ACSL1: variants seen among roughly 807,000 people sequenced by gnomAD.
ACSL1 encodes the protein long-chain-fatty-acid--CoA ligase 1.
A neutral mutation model predicts 98.4 loss-of-function variants in ACSL1; 41 were observed. The observed-to-expected ratio is 0.42, with a 90% CI of 0.32 to 0.54. The LOEUF is 0.54. Ranked by LOEUF, ACSL1 falls within the 20% of genes least tolerant of loss-of-function variation. The probability of loss-of-function intolerance (pLI) is 0.13; values close to 1 mark genes in which losing one functional copy is unlikely to be tolerated. For missense variants in ACSL1, 734 were observed against 883.1 expected, an observed-to-expected ratio of 0.83 and a Z score of 2.14; for synonymous variants, 316 against 322.7, an observed-to-expected ratio of 0.98 and a Z score of 0.22.
rs1322713149 is a variant in ACSL1, at chr4:184,756,468, A to G, written c.*657T>C. On this transcript the variant is annotated 3_prime_UTR_variant, in exon 21 of 21. Coordinates refer to ENST00000281455, the MANE Select transcript of ACSL1 (RefSeq NM_001995.5). ...AGCACCCATTTGCCAGAGGCTCCTT[A>G]TCTGCATGGTTCTGAGTTGGATCTG... The G allele has an allele frequency of 6.6e-6, 1 of 152,668 alleles. No homozygotes were observed. Among genetic ancestry groups the G allele is most frequent in the Non-Finnish European group, 1.5e-5 (1 of 68,052 alleles). 9.5% of individuals were successfully genotyped at this position (152,668 alleles called of 1,614,324 possible).
chr4:184,761,881 C>G (rs1280136797), intron 17 of ACSL1, among the ~76,000 whole-genome samples: 1 of 152,168 alleles, frequency 6.6e-6, no homozygotes, highest in Non-Finnish European at 1.5e-5. Flanking sequence ...AATCCCAGCA[C>G]TTTGGGAGGC....
chr4:184,775,856 T>C (rs1765210161), intron 7 of ACSL1, among the ~76,000 whole-genome samples: 1 of 152,242 alleles, frequency 6.6e-6, no homozygotes, highest in South Asian at 2.1e-4. Flanking sequence ...CCTCCGGCCA[T>C]GTTCCTTGGA....
At chr4:184,792,508 T>C (rs1561219339) in intron 2 of ACSL1, among the ~76,000 whole-genome samples, 1 of 152,166 alleles carries the variant, frequency 6.6e-6, no homozygotes, top group Non-Finnish European at 1.5e-5. Flanking sequence ...TTATCAGAGC[T>C]CACTGCCGTC....
chr4:184,817,625 G>A lies in ACSL1; in HGVS notation c.-33+8291C>T, dbSNP rs138015898. On this transcript the variant is annotated intron_variant, in intron 1 of 20. Transcript: ENST00000281455. ...TGCTAATGGAGGCACCCTGAAATGC[G>A]TGCCACACCTGGGAGGCAGAGGGAC... is the stretch of plus-strand genomic sequence containing the variant. Among the ~76,000 whole-genome samples, 168 of 152,196 alleles carry A rather than the reference G, an allele frequency of 1.1e-3. 1 individual carries two copies. Among genetic ancestry groups the A allele is most frequent in the African/African-American group, 3.7e-3 (153 of 41,536 alleles).
intron 1 of ACSL1, among the ~76,000 whole-genome samples, chr4:184,818,522 G>A (rs1418724086): frequency 6.6e-6 from 1 of 152,128 alleles, no homozygotes; most frequent in Non-Finnish European, 1.5e-5. Context: ...GACAAACCTG[G>A]AACATTACAA....
rs1361601006 is a variant in ACSL1, at chr4:184,803,484, G to A, written c.31C>T (p.Arg11Ter). The A allele has an allele frequency of 1.9e-6, 3 of 1,604,668 alleles. No homozygotes were observed. Among genetic ancestry groups the A allele is most frequent in the Non-Finnish European group, 2.6e-6 (3 of 1,174,754 alleles). The change falls in exon 2 of 21, where the codon CGA becomes TGA. Residue 11 changes from arginine to a stop codon, truncating the protein, a stop_gained. Coordinates refer to ENST00000281455, the MANE Select transcript of ACSL1 (RefSeq NM_001995.5). LOFTEE classifies it high-confidence loss of function. This position sits in a 1 kb window ranked among gnomAD's most constrained non-coding sequence, Gnocchi z 4.8. MQAHELFRYF[R>*]MPELVDFRQY... ...CGGAAGTCAACCAGCTCTGGCATTC[G>A]AAAATACCGGAACAGCTCATGGGCT...
At chr4:184,822,737 C>G (rs1008132961) in intron 1 of ACSL1, among the ~76,000 whole-genome samples, 8 of 150,484 alleles carry the variant, frequency 5.3e-5, no homozygotes, top group African/African-American at 2.0e-4. Flanking sequence ...GAGACCTTAT[C>G]TGGGAAAAAA....
chr4:184,816,390 G>A (rs1389009928), intron 1 of ACSL1, among the ~76,000 whole-genome samples: 1 of 152,084 alleles, frequency 6.6e-6, no homozygotes, highest in Non-Finnish European at 1.5e-5. Context: ...AAGAGCTCAG[G>A]TAACTATAAA....
At position 184,776,955 on chromosome 4, in the gene ACSL1, G is replaced by A. The variant is rs756391601; in HGVS notation, c.506C>T (p.Ala169Val). 6.2e-6 allele frequency: 10 copies of A among 1,614,088 alleles called. No homozygotes were observed. The highest frequency in any genetic ancestry group is 7.6e-6 in the Non-Finnish European group (9 of 1,179,998). ...AAGTGGAACGATCACCATCGAATAA[G>A]CAAAGCATCCTTGTTCAATAATCAC... ...EWVIIEQGCFAYSMVIVPLYD... is the reference protein window; with the variant it reads ...EWVIIEQGCFVYSMVIVPLYD... Residue 169 changes from alanine to valine, a missense_variant, in exon 6 of 21, where the codon GCT (alanine) becomes GTT (valine). Coordinates refer to ENST00000281455, the MANE Select transcript of ACSL1 (RefSeq NM_001995.5).
At chr4:184,800,431 G>A (rs181261554) in intron 2 of ACSL1, among the ~76,000 whole-genome samples, 45 of 152,212 alleles carry the variant, frequency 3.0e-4, no homozygotes, top group Admixed American at 1.0e-3. Flanking sequence ...AGTGAAGATC[G>A]TTTTCACTAG....
intron 1 of ACSL1, among the ~76,000 whole-genome samples, chr4:184,818,919 C>G (rs1210876490): frequency 1.3e-5 from 2 of 152,028 alleles, no homozygotes; most frequent in East Asian, 1.9e-4. Flanking sequence ...ATATGAAGGG[C>G]GGGGGCACTT....
Position 184,825,614 on chromosome 4 carries a change from G to A in ACSL1, c.-33+302C>T, listed in dbSNP as rs1248279731. Among the ~76,000 whole-genome samples the A allele has an allele frequency of 6.6e-6, 1 of 150,958 alleles. No homozygotes were observed. Among genetic ancestry groups the A allele is most frequent in the Non-Finnish European group, 1.5e-5 (1 of 67,630 alleles). On this transcript the variant is annotated intron_variant, in intron 1 of 20. Coordinates refer to ENST00000281455, the MANE Select transcript of ACSL1 (RefSeq NM_001995.5). This position sits in a 1 kb window ranked among gnomAD's most constrained non-coding sequence, Gnocchi z 4.7. ...CCGGTCCCCGCCGCCGCACACACAA[G>A]GGTCGGTCCCGCGCGCATCCCCGGC...
At chr4:184,796,016 C>A (rs1465942851) in intron 2 of ACSL1, among the ~76,000 whole-genome samples, 1 of 152,184 alleles carries the variant, frequency 6.6e-6, no homozygotes, top group Non-Finnish European at 1.5e-5. Flanking sequence ...CTGGATGTGT[C>A]TGTTGAGGGT....
At chr4:184,768,525 A>G in intron 11 of ACSL1, 75 bp from the exon 12 acceptor site, 2 of 1,526,332 alleles carry the variant, frequency 1.3e-6, no homozygotes, top group African/African-American at 1.4e-5. Flanking sequence ...AACATCCAAC[A>G]TTTCAGTTTT....
At chr4:184,764,741 C>T (rs933657304) in intron 15 of ACSL1, 112 bp downstream of exon 15, 45 of 937,936 alleles carry the variant, frequency 4.8e-5, no homozygotes, top group Non-Finnish European at 6.9e-5. Context: ...AGAAACATAG[C>T]ACTTTTGTTT....
intron 3 of ACSL1, among the ~76,000 whole-genome samples, chr4:184,787,918 A>T (rs530261109): frequency 2.0e-5 from 3 of 152,126 alleles, no homozygotes; most frequent in African/African-American, 7.2e-5. Context: ...CTGTAGTCCC[A>T]GTGCTTTGGG....
chr4:184,815,412 C>T (rs1288915048), intron 1 of ACSL1, among the ~76,000 whole-genome samples: 1 of 152,126 alleles, frequency 6.6e-6, no homozygotes, highest in Non-Finnish European at 1.5e-5. Context: ...TAAGAAACAG[C>T]TGGCTAAAGG....
At chr4:184,820,549 G>C (rs1772985066) in intron 1 of ACSL1, among the ~76,000 whole-genome samples, 1 of 152,168 alleles carries the variant, frequency 6.6e-6, no homozygotes, top group African/African-American at 2.4e-5. Context: ...CAGTGACACC[G>C]AAGGAGACCC....
At chr4:184,813,861 T>C (rs1441115742) in intron 1 of ACSL1, 2 of 456,070 alleles carry the variant, frequency 4.4e-6, no homozygotes, top group Non-Finnish European at 8.8e-6. Context: ...CCGAGGGCCA[T>C]GGATGGAGAG....
Sources: gnomAD v4.1 joint callset for allele counts (sites outside exome capture counted in the v4.1 genomes callset) on GRCh38, gnomAD v4.1.1 for gene constraint, Gnocchi (gnomAD v3.1) non-coding constraint, MANE v1.5 for transcripts, NCBI Gene and HGNC (gene_info 2026-07-23, HGNC 2026-07-21) for gene names.